Variants in DNAH5 observed in about 807,000 individuals in gnomAD.
DNAH5 encodes dynein axonemal heavy chain 5.
In DNAH5, 372 loss-of-function variants were observed where a neutral mutation model predicts 518.2. The ratio of observed to expected loss-of-function variants is 0.72; its 90% CI spans 0.66 to 0.78. The LOEUF is 0.78. DNAH5 is among the 30% of genes least tolerant of loss of function. DNAH5 has a pLI of 0.00. For synonymous variants in DNAH5, 2,039 were observed against 2,025.9 expected (o/e 1.01, Z -0.17); for missense variants, 5,523 against 5,687.0 (o/e 0.97, Z 0.93).
intron 24 of DNAH5, 33 bp from the exon 25 acceptor site, chr5:13,868,025 C>T: frequency 6.8e-7 from 1 of 1,478,332 alleles, no homozygotes; most frequent in African/African-American, 1.4e-5. Flanking sequence ...TAATTTTGGC[C>T]AGTCAGATGC....
intron 1 of DNAH5, among the ~76,000 whole-genome samples, chr5:14,009,252 G>T (rs1304295509): frequency 6.6e-6 from 1 of 152,212 alleles, no homozygotes; most frequent in Non-Finnish European, 1.5e-5. Context: ...AGGAGAAAAT[G>T]TAACAGGTAA....
intron 70 of DNAH5, among the ~76,000 whole-genome samples, chr5:13,724,559 G>A (rs1403331076): frequency 6.6e-6 from 1 of 152,140 alleles, no homozygotes; most frequent in Admixed American, 6.5e-5. Flanking sequence ...AAGGACATGG[G>A]ATTTGAGGGG....
At chr5:13,730,765 G>A (rs953095656) in intron 68 of DNAH5, among the ~76,000 whole-genome samples, 3 of 148,702 alleles carry the variant, frequency 2.0e-5, no homozygotes, top group Non-Finnish European at 4.5e-5. Flanking sequence ...GTGCAATGGC[G>A]TGATCTCGGC....
rs574586008 is a variant in DNAH5, at chr5:13,917,142, C to T, written c.1089+1G>A. 26 of 1,608,268 alleles carry T rather than the reference C, an allele frequency of 1.6e-5. No homozygotes were observed. Among genetic ancestry groups the T allele is most frequent in the African/African-American group, 5.3e-5 (4 of 74,810 alleles). On this transcript the variant is annotated splice_donor_variant, in intron 8 of 78. Transcript: ENST00000265104. LOFTEE classifies it high-confidence loss of function. ...TGAAAGAGTAGAAATCCTTAACTCA[C>T]GGGATCACTGCTGTACAAAGGGTCA...
intron 75 of DNAH5, 109 bp downstream of exon 75, chr5:13,714,295 GT>G (rs1418552008): frequency 5.0e-6 from 6 of 1,207,252 alleles, no homozygotes; most frequent in Non-Finnish European, 7.2e-6. Context: ...TTAAAAGAAT[GT>G]TTTTTAATTT....
intron 47 of DNAH5, among the ~76,000 whole-genome samples, chr5:13,800,931 C>T (rs1413090767): frequency 6.6e-6 from 1 of 152,192 alleles, no homozygotes; most frequent in Non-Finnish European, 1.5e-5. Context: ...ACCTTGTTTT[C>T]CTTACTTTAC....
intron 41 of DNAH5, among the ~76,000 whole-genome samples, chr5:13,819,493 A>G (rs1379288838): frequency 6.6e-6 from 1 of 152,122 alleles, no homozygotes; most frequent in Admixed American, 6.5e-5. Flanking sequence ...GTAGCAGTGC[A>G]CTGAGGTTCC....
In DNAH5 at chr5:13,972,700, GGCA is replaced by G. The variant is rs531527480; in HGVS notation, c.12+38945_12+38947del. ...AGTTTCTCAGCTGTCTCATGGGGCCGGCAGCAGCAAGCCGCTTCCTTCAAAGGG... is the reference window on the plus strand; with the variant it reads ...AGTTTCTCAGCTGTCTCATGGGGCCGGCAGCAAGCCGCTTCCTTCAAAGGG... On this transcript the variant is annotated intron_variant, in intron 1 of 78. Coordinates refer to the DNAH5 transcript ENST00000681290. 1.5e-4 allele frequency among the ~76,000 whole-genome samples: 23 copies of G among 152,266 alleles called. 1 individual carries two copies. In the East Asian group the frequency reaches 4.4e-3, roughly 29 times the overall value.
intron 1 of DNAH5, among the ~76,000 whole-genome samples, chr5:13,960,780 C>A (rs2152046283): frequency 6.6e-6 from 1 of 152,358 alleles, no homozygotes; most frequent in Middle Eastern, 3.4e-3. Context: ...CGTGGCTACT[C>A]CACACGCACC....
In DNAH5 at chr5:13,788,885, AC is replaced by A; in HGVS notation, c.8477del (p.Cys2826LeufsTer5). 1 of 1,614,188 alleles carries A rather than the reference AC, an allele frequency of 6.2e-7. No individual in the cohort carries two copies. The highest frequency in any genetic ancestry group is 8.5e-7 in the Non-Finnish European group (1 of 1,180,030). On this transcript the variant is annotated frameshift_variant, in exon 51 of 79. Coordinates refer to ENST00000265104, the MANE Select transcript of DNAH5 (RefSeq NM_001369.3). LOFTEE classifies it high-confidence loss of function. The part of the protein sequence containing the change: ...NDLLKLWKHE[C>X]KRVIADRFTV... ...TGAAACGGTCAGCTATAACACGTTT[AC>A]ACTCATGCTTCCACAGCTTTAACAG...
intron 77 of DNAH5, 104 bp downstream of exon 77, chr5:13,701,180 A>G: frequency 6.6e-7 from 1 of 1,509,646 alleles, no homozygotes. Context: ...TACCAAAAAG[A>G]GACAGTCATT....
chr5:13,854,403 C>T (rs969962941), intron 30 of DNAH5, among the ~76,000 whole-genome samples: 6 of 152,118 alleles, frequency 3.9e-5, no homozygotes, highest in African/African-American at 1.2e-4. Flanking sequence ...CAGAACCAGC[C>T]ACTGCAAAAA....
chr5:13,901,709 G>T, intron 13 of DNAH5, 136 bp from the exon 14 acceptor site: 1 of 616,974 alleles, frequency 1.6e-6, no homozygotes, highest in Non-Finnish European at 2.6e-6. Context: ...ATATTTACAT[G>T]GAATATTAAA....
At chr5:13,696,050 C>G (rs757115339) in intron 78 of DNAH5, among the ~76,000 whole-genome samples, 8 of 152,104 alleles carry the variant, frequency 5.3e-5, no homozygotes, top group Non-Finnish European at 1.2e-4. Context: ...ATACGGCTAT[C>G]CCCACCCCAG....
rs1283006383 is a variant in DNAH5, at chr5:13,862,664, G to A, written c.4680C>T (p.Phe1560=). ...CACGGGTTTTAAAGCTGCCGAAGGT[G>A]AATGTTTTATTGTCCCATTCATTAA... ...QVINEWDNKT[F]TFGSFKTRGE... The change falls in exon 29 of 79, where the codon TTC becomes TTT. Residue 1560 remains phenylalanine (F), a synonymous_variant. Coordinates refer to ENST00000265104, the MANE Select transcript of DNAH5 (RefSeq NM_001369.3). The A allele has an allele frequency of 1.2e-6, 2 of 1,613,930 alleles. No homozygotes were observed. The highest frequency in any genetic ancestry group is 1.1e-5 in the South Asian group (1 of 91,072).
At chr5:13,921,071 C>T (rs966945005) in intron 5 of DNAH5, among the ~76,000 whole-genome samples, 1 of 151,914 alleles carries the variant, frequency 6.6e-6, no homozygotes, top group Non-Finnish European at 1.5e-5. Flanking sequence ...TAAAACTTAA[C>T]GTATAATAAT....
intron 65 of DNAH5, among the ~76,000 whole-genome samples, chr5:13,749,907 A>G (rs1336456477): frequency 1.3e-5 from 2 of 152,222 alleles, no homozygotes; most frequent in Non-Finnish European, 2.9e-5. Flanking sequence ...CATTACCACA[A>G]CAGCAACCCA....
intron 3 of DNAH5, among the ~76,000 whole-genome samples, chr5:13,926,277 C>T (rs114205686): frequency 0.015 from 2,299 of 152,292 alleles, 55 homozygotes; most frequent in African/African-American, 0.053. Flanking sequence ...GACAGCCTGT[C>T]ACCTCGGGAG....
rs149681419 is a variant in DNAH5 at position 13,770,843 on chromosome 5, T to A, written c.9511A>T (p.Thr3171Ser). 5.6e-6 allele frequency: 9 copies of A among 1,614,040 alleles called. No individual in the cohort carries two copies. The African/African-American group carries it at 1.2e-4, about 22-fold the overall frequency. Residue 3171 changes from threonine (T) to serine (S), a missense_variant, in exon 56 of 79, where the codon ACC (threonine) becomes TCC (serine). By Grantham distance (58) the Thr-to-Ser change is moderately conservative. Coordinates refer to ENST00000265104, the MANE Select transcript of DNAH5 (RefSeq NM_001369.3). Reference protein sequence around the residue: ...VDYFQRFRRSTHVTPKSYLSF... With the variant: ...VDYFQRFRRSSHVTPKSYLSF... ...AGGTATGATTTGGGCGTCACGTGGG[T>A]AGAACGTCGGAATCTCTGAAAATAA...
Sources: allele counts gnomAD v4.1 joint callset (sites outside exome capture counted in the v4.1 genomes callset), GRCh38; gene constraint gnomAD v4.1.1; transcripts MANE v1.5; gene names NCBI Gene and HGNC (gene_info 2026-07-23, HGNC 2026-07-21).